The following FREM1 variants were observed in gnomAD, a reference collection of about 807,000 sequenced individuals.
The protein encoded by FREM1 is FRAS1 related extracellular matrix 1, also known as FRAS1-related extracellular matrix protein 1.
Under a neutral mutation model 210.1 loss-of-function variants are expected in FREM1, and 220 were observed. The ratio of observed to expected loss-of-function variants is 1.05; its 90% CI spans 0.94 to 1.17. The LOEUF is 1.17. FREM1 is among the 50% of genes most tolerant of loss of function. FREM1 has a pLI of 0.00. For missense variants in FREM1, 3,454 were observed against 2,675.5 expected (o/e 1.29, Z -6.42); for synonymous variants, 1,189 against 980.2 (o/e 1.21, Z -3.98).
intron 24 of FREM1, among the ~76,000 whole-genome samples, chr9:14,783,594 G>A (rs149040767): frequency 6.6e-6 from 1 of 152,130 alleles, no homozygotes; most frequent in African/African-American, 2.4e-5. Flanking sequence ...TTTCTCTCCA[G>A]GACCTCAGGA....
At chr9:14,780,483 G>C (rs575447575) in intron 24 of FREM1, among the ~76,000 whole-genome samples, 5 of 141,406 alleles carry the variant, frequency 3.5e-5, no homozygotes, top group Non-Finnish European at 7.7e-5. Context: ...GAGGACATTA[G>C]CATGTTCTTT....
rs202159795 is a variant in FREM1, at chr9:14,862,333, C to G, written c.329+1476G>C. Among the ~76,000 whole-genome samples, 9 of 152,204 alleles carry G rather than the reference C, an allele frequency of 5.9e-5. No individual in the cohort carries two copies. The East Asian group carries it at 1.7e-3, about 29-fold the overall frequency. On this transcript the variant is annotated intron_variant, in intron 3 of 36. Coordinates refer to ENST00000380880, the MANE Select transcript of FREM1 (RefSeq NM_001379081.2). ...TTGTACAAAAGTCTTTTACATTAGT[C>G]TAATGCTTAAAGGAAATTCACACCA...
At chr9:14,768,162 C>T (rs6474856) in intron 27 of FREM1, among the ~76,000 whole-genome samples, 91,703 of 151,720 alleles carry the variant, frequency 0.6, 28,103 homozygotes, top group East Asian at 0.72. Context: ...GGAAGAAAAT[C>T]CTCTGTCAGC....
At chr9:14,746,692 T>C (rs1435501233) in intron 34 of FREM1, among the ~76,000 whole-genome samples, 1 of 152,244 alleles carries the variant, frequency 6.6e-6, no homozygotes, top group African/African-American at 2.4e-5. Context: ...GACACTCTGA[T>C]AACTGAACAA....
At position 14,868,968 on chromosome 9, in the gene FREM1, G is replaced by A. The variant is rs1181905475; in HGVS notation, c.10C>T (p.Leu4=). The A allele has an allele frequency of 6.3e-7, 1 of 1,575,488 alleles. No homozygotes were observed. Among genetic ancestry groups the A allele is most frequent in the South Asian group, 1.2e-5 (1 of 86,610 alleles). Reference sequence around the variant, plus strand: ...ACGGCATTCGCAGCCCCCCAACTCAGAGAGTTCATGCTGACAGGGCCCAAC... The same window carrying A: ...ACGGCATTCGCAGCCCCCCAACTCAAAGAGTTCATGCTGACAGGGCCCAAC... The part of the protein sequence containing the change: MNS[L]SWGAANAVLL... The change falls in exon 2 of 37, where the codon CTG becomes TTG. Residue 4 remains leucine, a synonymous_variant. Transcript: ENST00000380880.
chr9:14,798,551 A>C (rs1278501147), intron 20 of FREM1, among the ~76,000 whole-genome samples: 3 of 152,216 alleles, frequency 2.0e-5, no homozygotes, highest in Non-Finnish European at 4.4e-5. Flanking sequence ...TTGAGGCTGC[A>C]GTGAGCTATG....
rs1831740793 is a variant in FREM1 at position 14,867,466 on chromosome 9, A to G, written c.234+1278T>C. Among the ~76,000 whole-genome samples, 2 of 152,150 alleles carry G rather than the reference A, an allele frequency of 1.3e-5. 1 individual carries two copies. The highest frequency in any genetic ancestry group is 1.3e-4 in the Admixed American group (2 of 15,280). On this transcript the variant is annotated intron_variant, in intron 2 of 36. Transcript: ENST00000380880. ...CTAAAGCTCTTTGACTGACGATAAA[A>G]TCTTACAAGCAACTAGGCAGAGACA...
intron 24 of FREM1, 111 bp downstream of exon 24, chr9:14,784,259 A>C: frequency 2.1e-6 from 2 of 965,276 alleles, no homozygotes; most frequent in Admixed American, 2.4e-5. Context: ...GTGATGTTAT[A>C]AGATACATGT....
intron 10 of FREM1, among the ~76,000 whole-genome samples, chr9:14,835,744 A>G (rs1290949968): frequency 1.3e-5 from 2 of 152,242 alleles, no homozygotes; most frequent in Non-Finnish European, 2.9e-5. Flanking sequence ...CTATGTAAAA[A>G]TAACCATTCT....
At chr9:14,884,915 CTTT>C (rs745465527) in intron 1 of FREM1, among the ~76,000 whole-genome samples, 3 of 70,406 alleles carry the variant, frequency 4.3e-5, no homozygotes, top group African/African-American at 1.2e-4. Flanking sequence ...TTCATCATAG[CTTT>C]TTTTTTTTTT....
intron 19 of FREM1, among the ~76,000 whole-genome samples, chr9:14,803,236 C>T (rs1817650394): frequency 8.4e-6 from 1 of 119,062 alleles, no homozygotes; most frequent in Non-Finnish European, 1.9e-5. Flanking sequence ...CTTTCTTTCT[C>T]TCTCCTTCCT....
At chr9:14,893,322 T>C (rs1490061572) in intron 1 of FREM1, among the ~76,000 whole-genome samples, 1 of 152,236 alleles carries the variant, frequency 6.6e-6, no homozygotes, top group Non-Finnish European at 1.5e-5. Flanking sequence ...TCTTTCCATA[T>C]CTTTCTGTCA....
intron 23 of FREM1, among the ~76,000 whole-genome samples, chr9:14,788,193 T>C (rs1850710314): frequency 6.6e-6 from 1 of 152,178 alleles, no homozygotes; most frequent in Admixed American, 6.5e-5. Flanking sequence ...ATAATACAGA[T>C]GAATGAGATA....
At chr9:14,870,658 TTTA>T (rs1004221171) in intron 1 of FREM1, among the ~76,000 whole-genome samples, 1 of 151,962 alleles carries the variant, frequency 6.6e-6, no homozygotes, top group Non-Finnish European at 1.5e-5. Flanking sequence ...TTTAATTCAT[TTTA>T]TTATTATTAT....
At chr9:14,802,509 T>C (rs1817478914) in intron 19 of FREM1, among the ~76,000 whole-genome samples, 1 of 152,184 alleles carries the variant, frequency 6.6e-6, no homozygotes, top group South Asian at 2.1e-4. Flanking sequence ...TTTCCTGAAC[T>C]ACTCTTCCCA....
intron 1 of FREM1, among the ~76,000 whole-genome samples, chr9:14,881,833 C>T (rs2132154328): frequency 6.6e-6 from 1 of 152,312 alleles, no homozygotes; most frequent in East Asian, 1.9e-4. Flanking sequence ...GAAGAGCAGT[C>T]ACATGGTGTC....
At chr9:14,850,390 A>C (rs1349209189) in intron 6 of FREM1, 1 of 143,588 alleles carries the variant, frequency 7.0e-6, no homozygotes, top group African/African-American at 3.0e-5. Context: ...AGCTCTCACA[A>C]AAAAAAAGAA....
chr9:14,800,944 T>C (rs1243645750), intron 20 of FREM1, among the ~76,000 whole-genome samples: 1 of 152,158 alleles, frequency 6.6e-6, no homozygotes, highest in Non-Finnish European at 1.5e-5. Context: ...TGATATATAA[T>C]GGGGTGTTTT....
rs1819689840 is a variant in FREM1 at position 14,813,067 on chromosome 9, A to G, written c.2641-3T>C. 6.3e-7 allele frequency: 1 copy of G among 1,591,930 alleles called. No individual in the cohort carries two copies. The highest frequency in any genetic ancestry group is 1.7e-5 in the Admixed American group (1 of 57,464). ...GGCTCATCGTTGACAGGGAATACCT[A>G]GGCAATGGAAAAAATGCATGTTTTC... On this transcript the variant is annotated splice_region_variant and splice_polypyrimidine_tract_variant and intron_variant, in intron 15 of 36. Transcript: ENST00000380880.
Sources: gnomAD v4.1 joint callset for allele counts (sites outside exome capture counted in the v4.1 genomes callset) on GRCh38, gnomAD v4.1.1 for gene constraint, MANE v1.5 for transcripts, NCBI Gene and HGNC (gene_info 2026-07-23, HGNC 2026-07-21) for gene names.